Variants in KLF8 observed in about 807,000 individuals in gnomAD.
KLF8 encodes KLF transcription factor 8, also known as Krueppel-like factor 8.
A neutral mutation model predicts 18.2 loss-of-function variants in KLF8; 10 were observed. The ratio of observed to expected loss-of-function variants is 0.55; its 90% CI spans 0.34 to 0.93. The LOEUF (loss-of-function observed/expected upper bound fraction) is 0.93, where lower values mean the gene tolerates loss of function less well. Among genes scored for constraint, KLF8 ranks in the 40% least tolerant of loss-of-function variants. The pLI is 0.02. For synonymous variants in KLF8, 109 were observed against 97.3 expected (o/e 1.12, Z -0.71); for missense variants, 264 against 277.9 (o/e 0.95, Z 0.36).
chrX:56,236,848 TTGTGTGTG>T (rs3052510), intron 1 of KLF8, among the ~76,000 whole-genome samples: 2 of 95,071 alleles, frequency 2.1e-5, no homozygotes, highest in Non-Finnish European at 2.1e-5. Context: ...ATGAGTATGT[TTGTGTGTG>T]TGTGTGTGTG....
the KLF8 span, among the ~76,000 whole-genome samples, chrX:55,972,182 A>G: frequency 8.9e-6 from 1 of 112,127 alleles, no homozygotes; most frequent in Non-Finnish European, 1.9e-5. Flanking sequence ...AATGTGGTAC[A>G]TATACACAAT....
At chrX:55,946,652 C>T in the KLF8 span, among the ~76,000 whole-genome samples, 8 of 111,382 alleles carry the variant, frequency 7.2e-5, no homozygotes, top group African/African-American at 2.6e-4. Flanking sequence ...TGATTAAACT[C>T]AAGAGCTTCT....
At chrX:56,050,234 A>AT in the KLF8 span, among the ~76,000 whole-genome samples, 3 of 111,143 alleles carry the variant, frequency 2.7e-5, no homozygotes, top group Non-Finnish European at 5.7e-5. Flanking sequence ...GGATTCATTA[A>AT]TTTTTTTAAG....
chrX:55,943,364 C>A, the KLF8 span, among the ~76,000 whole-genome samples: 2 of 110,133 alleles, frequency 1.8e-5, 1 homozygote, highest in Middle Eastern at 9.3e-3. Context: ...AAAGGGTGTA[C>A]AGGGAGAAGA....
the KLF8 span, among the ~76,000 whole-genome samples, chrX:56,186,608 T>G: frequency 7.2e-5 from 8 of 111,556 alleles, no homozygotes; most frequent in East Asian, 2.2e-3. Context: ...TATTCCAAAA[T>G]TGACCACATA....
chrX:55,999,046 T>G, the KLF8 span, among the ~76,000 whole-genome samples: 4 of 109,639 alleles, frequency 3.6e-5, no homozygotes, highest in African/African-American at 6.6e-5. Context: ...TCCAGTTTCG[T>G]ACTTTGGCTT....
the KLF8 span, among the ~76,000 whole-genome samples, chrX:55,983,841 G>T: frequency 9.1e-6 from 1 of 109,995 alleles, no homozygotes; most frequent in East Asian, 2.8e-4. Context: ...GTGTACCCAT[G>T]GCTTAGCTCT....
At chrX:55,938,724 C>T in the KLF8 span, among the ~76,000 whole-genome samples, 1 of 110,810 alleles carries the variant, frequency 9.0e-6, no homozygotes, top group African/African-American at 3.3e-5. Context: ...GGGTTGCAAT[C>T]CTAGTCTCGG....
chrX:55,970,409 G>T, the KLF8 span, among the ~76,000 whole-genome samples: 6 of 111,019 alleles, frequency 5.4e-5, no homozygotes, highest in South Asian at 2.2e-3. Flanking sequence ...CAAAATCTGG[G>T]TATAGAACAA....
At chrX:56,178,088 G>A in the KLF8 span, among the ~76,000 whole-genome samples, 4 of 111,676 alleles carry the variant, frequency 3.6e-5, no homozygotes, top group African/African-American at 1.3e-4. Flanking sequence ...GCTCACACTG[G>A]GTGCACTGCA....
the KLF8 span, among the ~76,000 whole-genome samples, chrX:56,211,207 G>A: frequency 8.9e-6 from 1 of 112,491 alleles, no homozygotes; most frequent in Non-Finnish European, 1.9e-5. Context: ...AAAAGACTTG[G>A]ATGTTGTAAT....
the KLF8 span, among the ~76,000 whole-genome samples, chrX:56,103,919 G>A: frequency 9.0e-6 from 1 of 111,007 alleles, no homozygotes; most frequent in Admixed American, 9.6e-5. Context: ...TTTTTAGCAT[G>A]AAGGGCTGTT....
At chrX:56,168,101 C>T in the KLF8 span, among the ~76,000 whole-genome samples, 1 of 111,450 alleles carries the variant, frequency 9.0e-6, no homozygotes, top group African/African-American at 3.3e-5. Flanking sequence ...TGGTGAAAGT[C>T]ATAAATCTCA....
At chrX:56,174,966 G>T in the KLF8 span, among the ~76,000 whole-genome samples, 1 of 111,421 alleles carries the variant, frequency 9.0e-6, no homozygotes, top group East Asian at 2.8e-4. Context: ...TTTTTATTGC[G>T]TCTATTTGGT....
At chrX:56,246,806 A>G (rs1208466319) in intron 1 of KLF8, among the ~76,000 whole-genome samples, 1 of 111,372 alleles carries the variant, frequency 9.0e-6, no homozygotes, top group African/African-American at 3.3e-5. Context: ...TTAGACTGAT[A>G]GACTGGGTTT....
At chrX:56,269,204 AT>A in intron 3 of KLF8, 173 bp from the exon 4 acceptor site, 2 of 1,034,530 alleles carry the variant, frequency 1.9e-6, no homozygotes, top group Non-Finnish European at 2.5e-6. Flanking sequence ...AAAAAAAAAA[AT>A]AAAATGTTAT....
chrX:56,198,365 T>A, the KLF8 span, among the ~76,000 whole-genome samples: 15 of 112,090 alleles, frequency 1.3e-4, no homozygotes, highest in East Asian at 4.2e-3. Flanking sequence ...AAATCTCCTT[T>A]AGCTGATAAG....
At chrX:56,196,578 A>C in the KLF8 span, among the ~76,000 whole-genome samples, 1 of 111,922 alleles carries the variant, frequency 8.9e-6, no homozygotes, top group South Asian at 3.8e-4. Context: ...CCAATACAGG[A>C]GCACCCAGAT....
the KLF8 span, among the ~76,000 whole-genome samples, chrX:56,004,475 C>T: frequency 9.9e-5 from 11 of 111,397 alleles, no homozygotes; most frequent in Admixed American, 1.0e-3. Context: ...CTTTTAGTAC[C>T]CCTAGGCTGA....
Sources: allele counts gnomAD v4.1 joint callset (sites outside exome capture counted in the v4.1 genomes callset), GRCh38; gene constraint gnomAD v4.1.1; transcripts MANE v1.5; gene names NCBI Gene and HGNC (gene_info 2026-07-23, HGNC 2026-07-21).